The following TRHDE variants were observed in gnomAD, a reference collection of about 807,000 sequenced individuals.
TRHDE encodes the protein thyrotropin releasing hormone degrading enzyme.
A neutral mutation model predicts 125.7 loss-of-function variants in TRHDE; 72 were observed. The ratio of observed to expected loss-of-function variants is 0.57; its 90% confidence interval spans 0.47 to 0.70. The LOEUF is 0.70. Ranked by LOEUF, TRHDE falls within the 30% of genes least tolerant of loss-of-function variation. The pLI is 0.00. For missense variants in TRHDE, 1,110 were observed against 1,327.1 expected (o/e 0.84, Z 2.54); for synonymous variants, 509 against 509.1 (o/e 1.00, Z 0.00).
chr12:72,520,222 G>A (rs546110823), intron 6 of TRHDE, among the ~76,000 whole-genome samples: 10 of 152,300 alleles, frequency 6.6e-5, no homozygotes, highest in African/African-American at 2.2e-4. Context: ...GGGCAATGGC[G>A]GGCGCCCCTC....
chr12:72,589,990 AT>A (rs1423661217), intron 12 of TRHDE, among the ~76,000 whole-genome samples: 2 of 151,696 alleles, frequency 1.3e-5, no homozygotes, highest in East Asian at 1.9e-4. Context: ...TGATTGAGAT[AT>A]TTTTTCTTTT....
chr12:72,300,989 C>A (rs1360510389), intron 2 of TRHDE, among the ~76,000 whole-genome samples: 2 of 152,146 alleles, frequency 1.3e-5, no homozygotes, highest in African/African-American at 4.8e-5. Flanking sequence ...CTTTCACCCA[C>A]TCTTCTCTGC....
At chr12:72,219,561 A>T (rs1235036669) in intron 2 of TRHDE, among the ~76,000 whole-genome samples, 3 of 152,124 alleles carry the variant, frequency 2.0e-5, no homozygotes, top group Non-Finnish European at 4.4e-5. Flanking sequence ...CCTGGGTCAC[A>T]TGCTCAGCCC....
chr12:72,361,805 A>G (rs1871099926), intron 2 of TRHDE, among the ~76,000 whole-genome samples: 1 of 141,202 alleles, frequency 7.1e-6, no homozygotes, highest in Non-Finnish European at 1.5e-5. Context: ...GAGTGAGAAT[A>G]TGCAGTGTTT....
chr12:72,598,170 T>A (rs1044532314), intron 12 of TRHDE, among the ~76,000 whole-genome samples: 2 of 152,164 alleles, frequency 1.3e-5, no homozygotes, highest in Admixed American at 6.5e-5. Context: ...ATCCTATCTA[T>A]GAATATAGTT....
chr12:72,367,812 A>G (rs185946982), intron 2 of TRHDE, among the ~76,000 whole-genome samples: 4 of 152,322 alleles, frequency 2.6e-5, no homozygotes, highest in Admixed American at 2.0e-4. Context: ...GGAGAAGTAA[A>G]TGTATTGTTA....
chr12:72,546,512 A>G (rs1055418042), intron 7 of TRHDE, among the ~76,000 whole-genome samples: 2 of 151,668 alleles, frequency 1.3e-5, no homozygotes, highest in Non-Finnish European at 3.0e-5. Flanking sequence ...TTTGGCTCTG[A>G]AAATGATTAA....
At position 72,286,713 on chromosome 12, in the gene TRHDE, A is replaced by AT; in HGVS notation, c.948dup (p.Ala317CysfsTer9). ...GGTGTTACTCAGTTTTCGCCTACAC[A>AT]TGCCAGAAAGGCATTTCCTTGTTTT... On this transcript the variant is annotated frameshift_variant, in exon 2 of 19. Coordinates refer to ENST00000261180, the MANE Select transcript of TRHDE (RefSeq NM_013381.3). LOFTEE classifies it high-confidence loss of function. 6.2e-7 allele frequency: 1 copy of AT among 1,614,004 alleles called. No individual in the cohort carries two copies. The highest frequency in any genetic ancestry group is 8.5e-7 in the Non-Finnish European group (1 of 1,179,978).
chr12:72,140,850 T>G (rs529133183), intron 2 of TRHDE, among the ~76,000 whole-genome samples: 14 of 152,310 alleles, frequency 9.2e-5, no homozygotes, highest in Admixed American at 5.2e-4. Context: ...TGTAACTCAT[T>G]GAGCAGAACA....
chr12:72,519,353 C>CT (rs1879055605), intron 6 of TRHDE, among the ~76,000 whole-genome samples: 1 of 152,088 alleles, frequency 6.6e-6, no homozygotes, highest in South Asian at 2.1e-4. Context: ...TCTTTTTATT[C>CT]TTTTTTCTCT....
At chr12:72,275,718 C>T (rs1006530541) in intron 1 of TRHDE, among the ~76,000 whole-genome samples, 1 of 152,154 alleles carries the variant, frequency 6.6e-6, no homozygotes, top group African/African-American at 2.4e-5. Flanking sequence ...TTCAAATTAA[C>T]AGGACTCTTA....
At chr12:72,147,698 A>C (rs2139318675) in intron 2 of TRHDE, 1 of 152,366 alleles carries the variant, frequency 6.6e-6, no homozygotes. Context: ...TCATCATTGA[A>C]GGTCATGGTA....
At chr12:72,602,502 A>ATCTTCCTCCAC (rs1299145667) in intron 12 of TRHDE, among the ~76,000 whole-genome samples, 8 of 152,296 alleles carry the variant, frequency 5.3e-5, no homozygotes, top group African/African-American at 1.9e-4. Flanking sequence ...CTTTCTCCAC[A>ATCTTCCTCCAC]TGGAAGAGCA....
chr12:72,093,660 TTC>T (rs951554688), intron 1 of TRHDE, among the ~76,000 whole-genome samples: 4 of 152,130 alleles, frequency 2.6e-5, no homozygotes, highest in Non-Finnish European at 4.4e-5. Context: ...GCTCTAGAAT[TTC>T]TGTTTGGTTT....
intron 15 of TRHDE, among the ~76,000 whole-genome samples, chr12:72,632,621 T>C (rs1873543418): frequency 6.6e-6 from 1 of 151,886 alleles, no homozygotes; most frequent in Non-Finnish European, 1.5e-5. Context: ...TATAAAGCAT[T>C]TTTTAACTCT....
chr12:72,501,022 AG>A (rs1878133545), intron 6 of TRHDE, among the ~76,000 whole-genome samples: 1 of 152,054 alleles, frequency 6.6e-6, no homozygotes. Flanking sequence ...CCATGAATAC[AG>A]TATGCCTCCA....
intron 2 of TRHDE, among the ~76,000 whole-genome samples, chr12:72,233,055 A>G (rs761819326): frequency 2.6e-5 from 4 of 152,122 alleles, no homozygotes; most frequent in Non-Finnish European, 4.4e-5. Flanking sequence ...TTGTTAATGA[A>G]TGAGTAAGTG....
chr12:72,377,192 T>G (rs1871927079), intron 2 of TRHDE, among the ~76,000 whole-genome samples: 2 of 152,150 alleles, frequency 1.3e-5, no homozygotes, highest in South Asian at 4.1e-4. Flanking sequence ...GATTTAGCCT[T>G]TGGAAAGAAA....
At chr12:72,468,640 C>T (rs1180657901) in intron 3 of TRHDE, among the ~76,000 whole-genome samples, 1 of 152,212 alleles carries the variant, frequency 6.6e-6, no homozygotes, top group Non-Finnish European at 1.5e-5. Context: ...GCAAGGAGCG[C>T]TAGCTATTTT....
Sources: gnomAD v4.1 joint callset for allele counts (sites outside exome capture counted in the v4.1 genomes callset) on GRCh38, gnomAD v4.1.1 for gene constraint, MANE v1.5 for transcripts, NCBI Gene and HGNC (gene_info 2026-07-23, HGNC 2026-07-21) for gene names.